The following BNC2 variants were observed in gnomAD, a reference collection of about 807,000 sequenced individuals.
BNC2 encodes the protein basonuclin zinc finger protein 2.
BNC2 carries 20 observed loss-of-function variants against 76.3 expected under a neutral mutation model. That is an observed-to-expected ratio of 0.26 (90% CI 0.18 to 0.38). The LOEUF is 0.38. BNC2 is among the 10% of genes least tolerant of loss of function. BNC2 has a pLI of 1.00. For missense variants in BNC2, 1,382 were observed against 1,399.8 expected (o/e 0.99, Z 0.20); for synonymous variants, 582 against 514.8 (o/e 1.13, Z -1.77).
intron 3 of BNC2, among the ~76,000 whole-genome samples, chr9:16,680,753 C>T (rs73645844): frequency 0.039 from 5,942 of 151,432 alleles, 423 homozygotes; most frequent in African/African-American, 0.14. Context: ...AAATCAGTAT[C>T]AATACAGATT....
intron 3 of BNC2, among the ~76,000 whole-genome samples, chr9:16,654,695 T>C (rs1246805232): frequency 3.9e-5 from 6 of 152,298 alleles, no homozygotes; most frequent in African/African-American, 1.2e-4. Context: ...TCTGTTCTTT[T>C]TTACCCATCC....
At chr9:16,600,723 C>T (rs1235737087) in intron 3 of BNC2, among the ~76,000 whole-genome samples, 2 of 151,982 alleles carry the variant, frequency 1.3e-5, no homozygotes, top group Admixed American at 6.6e-5. Context: ...GGTAATGATG[C>T]GGGGGTGCGG....
chr9:16,669,795 A>G (rs1822420366), intron 3 of BNC2, among the ~76,000 whole-genome samples: 1 of 152,198 alleles, frequency 6.6e-6, no homozygotes, highest in Non-Finnish European at 1.5e-5. Context: ...GATACCACGG[A>G]AAAAGAAATG....
intron 1 of BNC2, among the ~76,000 whole-genome samples, chr9:16,740,488 A>G (rs1250075078): frequency 6.6e-6 from 1 of 152,222 alleles, no homozygotes; most frequent in Non-Finnish European, 1.5e-5. Context: ...GCTTTGTGTC[A>G]TAAGAGTGAA....
Position 16,583,056 on chromosome 9 carries a change from T to G in BNC2, c.360A>C (p.Thr120=), listed in dbSNP as rs762638569. The change falls in exon 4 of 7, where the codon ACA becomes ACC. Residue 120 remains threonine, a synonymous_variant. Transcript: ENST00000380672. ...QAIRCTLVNC[T]CECFQPGKIN... Reference sequence around the variant, plus strand: ...TCTTCCCTGGCTGAAAACATTCACATGTGCAGTTTACCAGTGTGCAACGGA... The same window carrying G: ...TCTTCCCTGGCTGAAAACATTCACAGGTGCAGTTTACCAGTGTGCAACGGA... 8.7e-6 allele frequency: 14 copies of G among 1,614,020 alleles called. No individual in the cohort carries two copies. In the Admixed American group the frequency reaches 1.7e-4, roughly 19 times the overall value.
intron 1 of BNC2, among the ~76,000 whole-genome samples, chr9:16,753,190 G>A (rs1454126775): frequency 6.6e-6 from 1 of 152,112 alleles, no homozygotes; most frequent in African/African-American, 2.4e-5. Flanking sequence ...AAATGTGTAA[G>A]CATAAAACTA....
chr9:16,419,788 G>C, intron 6 of BNC2, 139 bp from the exon 7 acceptor site: 1 of 668,262 alleles, frequency 1.5e-6, no homozygotes, highest in Non-Finnish European at 2.7e-6. Context: ...CATTATAAAA[G>C]CAAGCATTCC....
intron 1 of BNC2, among the ~76,000 whole-genome samples, chr9:16,784,918 A>G (rs1209919733): frequency 6.6e-6 from 1 of 152,226 alleles, no homozygotes. Context: ...TTGGTAAATG[A>G]CAAGAGTGGA....
intron 1 of BNC2, among the ~76,000 whole-genome samples, chr9:16,859,835 C>T (rs1819352751): frequency 1.3e-5 from 2 of 152,154 alleles, no homozygotes. Flanking sequence ...AAATGGTTAA[C>T]ATGGGCCAGG....
intron 5 of BNC2, among the ~76,000 whole-genome samples, chr9:16,438,482 A>G (rs922534465): frequency 3.9e-5 from 6 of 152,166 alleles, no homozygotes; most frequent in Non-Finnish European, 7.4e-5. Flanking sequence ...GCCAGTAACT[A>G]TGAGATTTGC....
Position 16,720,144 on chromosome 9 carries a change from G to A in BNC2, c.330+7653C>T, listed in dbSNP as rs529394765. ...AAAGAACCCTTCTACAGCAACACTC[G>A]AGACAGTCCTGTCAGCACTCACAGA... On this transcript the variant is annotated intron_variant, in intron 3 of 6. Coordinates refer to ENST00000380672, the MANE Select transcript of BNC2 (RefSeq NM_017637.6). Among the ~76,000 whole-genome samples, 8 of 152,224 alleles carry A rather than the reference G, an allele frequency of 5.3e-5. No individual in the cohort carries two copies. In the East Asian group the frequency reaches 9.7e-4, roughly 18 times the overall value.
At chr9:16,707,209 A>ACCC (rs1554713439) in intron 3 of BNC2, among the ~76,000 whole-genome samples, 3 of 142,944 alleles carry the variant, frequency 2.1e-5, no homozygotes, top group Admixed American at 6.9e-5. Context: ...CCCCCCGCCA[A>ACCC]AAAAAAACAA....
chr9:16,517,365 G>A (rs1369015809), intron 5 of BNC2, among the ~76,000 whole-genome samples: 1 of 152,130 alleles, frequency 6.6e-6, no homozygotes, highest in Non-Finnish European at 1.5e-5. Flanking sequence ...ACTATATACT[G>A]AAATACTGGC....
chr9:16,709,127 C>G (rs1823761775), intron 3 of BNC2, among the ~76,000 whole-genome samples: 1 of 152,122 alleles, frequency 6.6e-6, no homozygotes, highest in African/African-American at 2.4e-5. Context: ...GCTGTTCTTT[C>G]CGCTTTCCTA....
chr9:16,527,880 C>T (rs1022249007), intron 5 of BNC2, among the ~76,000 whole-genome samples: 6 of 152,144 alleles, frequency 3.9e-5, no homozygotes, highest in Non-Finnish European at 7.3e-5. Context: ...CTGCCTCACC[C>T]AGGAAGGCAA....
chr9:16,704,144 C>CA (rs1823592514), intron 3 of BNC2, among the ~76,000 whole-genome samples: 2 of 152,166 alleles, frequency 1.3e-5, no homozygotes, highest in South Asian at 4.1e-4. Flanking sequence ...ACTGCATTAT[C>CA]AGAAAGCTGT....
intron 5 of BNC2, among the ~76,000 whole-genome samples, chr9:16,503,046 T>C (rs912977573): frequency 6.6e-6 from 1 of 152,188 alleles, no homozygotes; most frequent in Admixed American, 6.5e-5. Flanking sequence ...GTTAAATGAA[T>C]TGTCTCTTGC....
intron 3 of BNC2, chr9:16,685,619 C>T (rs1587314902): frequency 3.1e-6 from 4 of 1,304,274 alleles, no homozygotes; most frequent in East Asian, 1.1e-4. Context: ...CCAGTACATG[C>T]CAATGGAACC....
rs181205185 is a variant in BNC2, at chr9:16,550,258, T to G, written c.669+2272A>C. On this transcript the variant is annotated intron_variant, in intron 5 of 6. Transcript: ENST00000380672. Reference sequence around the variant, plus strand: ...AAACTTTCTTAAAACATTATGAGAGTTTTTTTTTAAGCTCATCAGCTATTG... The same window carrying G: ...AAACTTTCTTAAAACATTATGAGAGGTTTTTTTTAAGCTCATCAGCTATTG... Among the ~76,000 whole-genome samples, 535 of 140,210 alleles carry G rather than the reference T, an allele frequency of 3.8e-3. 2 individuals are homozygous for G. Among genetic ancestry groups the G allele is most frequent in the Admixed American group, 7.8e-3 (115 of 14,716 alleles). The allele number at this position is 140,210 out of a possible 152,430, so 92.0% of individuals were successfully genotyped here.
Sources: allele counts gnomAD v4.1 joint callset (sites outside exome capture counted in the v4.1 genomes callset), GRCh38; gene constraint gnomAD v4.1.1; transcripts MANE v1.5; gene names NCBI Gene and HGNC (gene_info 2026-07-23, HGNC 2026-07-21).